Variants in ZFHX3 observed in about 807,000 individuals in gnomAD.
The protein encoded by ZFHX3 is zinc finger homeobox 3, also known as zinc finger homeobox protein 3.
ZFHX3 carries 42 observed loss-of-function variants against 279.1 expected under a neutral mutation model. That is an observed-to-expected ratio of 0.15 (90% CI 0.12 to 0.19). ZFHX3 has a LOEUF of 0.19. ZFHX3 is among the 10% of genes least tolerant of loss of function. ZFHX3 has a pLI of 1.00. For synonymous variants in ZFHX3, 2,293 were observed against 1,957.8 expected, an observed-to-expected ratio of 1.17 and a Z score of -4.52; for missense variants, 4,981 against 4,754.0, an observed-to-expected ratio of 1.05 and a Z score of -1.40.
intron 2 of ZFHX3, among the ~76,000 whole-genome samples, chr16:73,532,216 G>A (rs2019817930): frequency 6.6e-6 from 1 of 152,140 alleles, no homozygotes; most frequent in African/African-American, 2.4e-5. Flanking sequence ...GGACCCCAGG[G>A]GGAGATAATT....
intron 3 of ZFHX3, among the ~76,000 whole-genome samples, chr16:73,376,607 G>A (rs1023893280): frequency 4.6e-5 from 7 of 152,174 alleles, no homozygotes; most frequent in African/African-American, 1.7e-4. Flanking sequence ...ATTGGCTGGA[G>A]TCAATGTTGA....
At chr16:73,064,474 G>A (rs1188533290), upstream of ZFHX3, among the ~76,000 whole-genome samples, 1 of 151,372 alleles carries the variant, frequency 6.6e-6, no homozygotes, top group Admixed American at 6.6e-5. Flanking sequence ...ATCTAGAGAG[G>A]TTTCATCCCT....
At chr16:73,521,579 C>A (rs1370591937) in intron 2 of ZFHX3, among the ~76,000 whole-genome samples, 2 of 152,044 alleles carry the variant, frequency 1.3e-5, no homozygotes, top group African/African-American at 4.8e-5. Context: ...CATCACTCTC[C>A]TTTTCGCCGG....
chr16:73,463,662 C>T (rs1055029675), intron 2 of ZFHX3, among the ~76,000 whole-genome samples: 18 of 151,980 alleles, frequency 1.2e-4, no homozygotes, highest in Admixed American at 7.2e-4. Flanking sequence ...ACCTTTTATA[C>T]TATTGGAAAG....
chr16:72,960,715 C>T (rs575651649), intron 1 of ZFHX3, among the ~76,000 whole-genome samples: 5 of 152,132 alleles, frequency 3.3e-5, no homozygotes, highest in East Asian at 3.9e-4. Flanking sequence ...AGTGGGATAA[C>T]GCTCATGGAT....
At chr16:73,020,762 C>CATGGT (rs776369884) in intron 1 of ZFHX3, among the ~76,000 whole-genome samples, 2 of 152,200 alleles carry the variant, frequency 1.3e-5, no homozygotes, top group African/African-American at 2.4e-5. Flanking sequence ...GAGGCACGGG[C>CATGGT]ATGGTTGTTG....
intron 5 of ZFHX3, among the ~76,000 whole-genome samples, chr16:73,214,924 A>G (rs1043150477): frequency 1.5e-5 from 2 of 133,772 alleles, no homozygotes; most frequent in Non-Finnish European, 1.6e-5. Context: ...AACCACACCA[A>G]CTCCTCTGTG....
At chr16:72,839,120 C>T (rs919537885) in intron 4 of ZFHX3, among the ~76,000 whole-genome samples, 1 of 152,022 alleles carries the variant, frequency 6.6e-6, no homozygotes, top group African/African-American at 2.4e-5. Context: ...GCAAATTCCC[C>T]GAGCATGTCT....
chr16:73,180,201 G>C (rs1049633030), intron 5 of ZFHX3, among the ~76,000 whole-genome samples: 6 of 152,164 alleles, frequency 3.9e-5, no homozygotes, highest in Admixed American at 3.3e-4. Context: ...GTCACTGAGA[G>C]AGCAAGTTGC....
intron 5 of ZFHX3, among the ~76,000 whole-genome samples, chr16:73,216,327 C>G (rs2012206807): frequency 6.6e-6 from 1 of 152,172 alleles, no homozygotes. Context: ...TTCAAGGTCC[C>G]CAGCAATCCA....
chr16:73,646,536 T>C (rs2052619743), intron 2 of ZFHX3, among the ~76,000 whole-genome samples: 1 of 151,800 alleles, frequency 6.6e-6, no homozygotes, highest in South Asian at 2.1e-4. Context: ...ATAAAATAGA[T>C]GAAAAGATCT....
chr16:73,166,754 C>G (rs548646009), intron 5 of ZFHX3, among the ~76,000 whole-genome samples: 1 of 152,104 alleles, frequency 6.6e-6, no homozygotes, highest in Non-Finnish European at 1.5e-5. Context: ...TCTCTCAAAC[C>G]GCAAGAAACC....
intron 1 of ZFHX3, among the ~76,000 whole-genome samples, chr16:73,830,473 T>G (rs1361644804): frequency 6.6e-6 from 1 of 152,206 alleles, no homozygotes; most frequent in African/African-American, 2.4e-5. Context: ...AAGGGTTAAC[T>G]GTGGCAAGCT....
chr16:73,528,911 C>CATCT (rs1415517117), intron 2 of ZFHX3, among the ~76,000 whole-genome samples: 1 of 152,204 alleles, frequency 6.6e-6, no homozygotes, highest in Non-Finnish European at 1.5e-5. Flanking sequence ...GCAGGACAGG[C>CATCT]ATCTGGCTGT....
rs576092061 is a variant in ZFHX3 at position 73,008,149 on chromosome 16, C to A, written c.-50+39603G>T. Among the ~76,000 whole-genome samples, 6 of 152,094 alleles carry A rather than the reference C, an allele frequency of 3.9e-5. No homozygotes were observed. The East Asian group carries it at 7.7e-4, about 20-fold the overall frequency. On this transcript the variant is annotated intron_variant, in intron 1 of 9. Coordinates refer to ENST00000268489, the MANE Select transcript of ZFHX3 (RefSeq NM_006885.4). ...GTCTTTAGGCTTGTTTTATGCTTTC[C>A]AAGTTTGAGTTGAATACTTAATTCA...
chr16:72,945,213 C>T (rs1960606708), intron 3 of ZFHX3, among the ~76,000 whole-genome samples: 1 of 152,204 alleles, frequency 6.6e-6, no homozygotes, highest in African/African-American at 2.4e-5. Flanking sequence ...CAGCAAGGTA[C>T]CCAGCTTTCA....
At chr16:73,291,026 A>AT (rs1487680040) in intron 4 of ZFHX3, among the ~76,000 whole-genome samples, 5 of 152,210 alleles carry the variant, frequency 3.3e-5, no homozygotes, top group Non-Finnish European at 7.3e-5. Flanking sequence ...ATGTAAAACC[A>AT]TTAGAAACAC....
intron 2 of ZFHX3, among the ~76,000 whole-genome samples, chr16:73,613,080 A>G (rs2052263864): frequency 1.3e-5 from 2 of 152,236 alleles, no homozygotes; most frequent in African/African-American, 2.4e-5. Context: ...TGGGAAACAG[A>G]TGAAATAGAA....
chr16:72,788,191 T>A lies in ZFHX3; in HGVS notation c.10085A>T (p.Gln3362Leu). 6.2e-7 allele frequency: 1 copy of A among 1,612,442 alleles called. No individual in the cohort carries two copies. Among genetic ancestry groups the A allele is most frequent in the Non-Finnish European group, 8.5e-7 (1 of 1,179,020 alleles). The part of the protein sequence containing the change: ...LMGLSPGSLL[Q>L]QYQQYQQSLQ... Reference sequence around the variant, plus strand: ...ACTCTGCTGGTATTGCTGGTACTGCTGCAGTAGGGAGCCTGGGGACAGCCC... The same window carrying A: ...ACTCTGCTGGTATTGCTGGTACTGCAGCAGTAGGGAGCCTGGGGACAGCCC... The change falls in exon 10 of 10, where the codon CAG becomes CTG. Residue 3362 changes from glutamine to leucine, a missense_variant. By Grantham distance (113) the Gln-to-Leu change is moderately radical. Transcript: ENST00000268489.
Sources: allele counts gnomAD v4.1 joint callset (sites outside exome capture counted in the v4.1 genomes callset), GRCh38; gene constraint gnomAD v4.1.1; transcripts MANE v1.5; gene names NCBI Gene and HGNC (gene_info 2026-07-23, HGNC 2026-07-21).